Variants in OSBPL10 observed in about 807,000 individuals in gnomAD.
The protein encoded by OSBPL10 is oxysterol binding protein like 10.
In OSBPL10, 49 loss-of-function variants were observed where a neutral mutation model predicts 81.7. That is an observed-to-expected ratio of 0.60 (90% CI 0.48 to 0.76). The LOEUF is 0.76. Among genes scored for constraint, OSBPL10 ranks in the 30% least tolerant of loss-of-function variants. The pLI is 0.00. For synonymous variants in OSBPL10, 419 were observed against 383.6 expected (o/e 1.09, Z -1.08); for missense variants, 923 against 987.8 (o/e 0.93, Z 0.88).
At chr3:31,991,868 A>G (rs1336178618) in intron 2 of OSBPL10, among the ~76,000 whole-genome samples, 1 of 152,112 alleles carries the variant, frequency 6.6e-6, no homozygotes, top group Non-Finnish European at 1.5e-5. Context: ...CAGGCTAAAA[A>G]AAAAAAAATG....
chr3:31,917,403 A>T (rs1170273364), intron 1 of OSBPL10, among the ~76,000 whole-genome samples: 1 of 151,120 alleles, frequency 6.6e-6, no homozygotes, highest in Non-Finnish European at 1.5e-5. Flanking sequence ...AAAAAAGTAC[A>T]TTCAAGAGCC....
In OSBPL10 at chr3:31,683,650, G is replaced by T. The variant is rs778256978; in HGVS notation, c.1710C>A (p.Val570=). The stretch of plus-strand genomic sequence containing the variant: ...ATGGCTTACCTTCCCCTATCATAGA[G>T]ACCCCCACGGACATGCCCATGAACT... The part of the protein sequence containing the change: ...KSKFMGMSVG[V]SMIGEGVLRL... The change falls in exon 8 of 12, where the codon GTC becomes GTA. Residue 570 remains valine, a synonymous_variant. Coordinates refer to ENST00000396556, the MANE Select transcript of OSBPL10 (RefSeq NM_017784.5). 1 of 1,611,356 alleles carries T rather than the reference G, an allele frequency of 6.2e-7. No homozygotes were observed. The highest frequency in any genetic ancestry group is 1.1e-5 in the South Asian group (1 of 91,044).
intron 2 of OSBPL10, among the ~76,000 whole-genome samples, chr3:32,010,217 C>T (rs990481641): frequency 7.2e-5 from 11 of 151,960 alleles, no homozygotes; most frequent in African/African-American, 2.7e-4. Flanking sequence ...ATAGTGGGGC[C>T]AGAGCCATCT....
intron 5 of OSBPL10, among the ~76,000 whole-genome samples, chr3:31,740,627 G>A (rs1697312326): frequency 6.6e-6 from 1 of 151,948 alleles, no homozygotes; most frequent in East Asian, 1.9e-4. Flanking sequence ...ATGAAGCTGG[G>A]TATGGTGGCA....
chr3:31,679,519 G>A (rs970642172), intron 8 of OSBPL10, among the ~76,000 whole-genome samples: 1 of 152,320 alleles, frequency 6.6e-6, no homozygotes, highest in Middle Eastern at 3.4e-3. Context: ...CACTGTTACC[G>A]ATAAGGAGGT....
chr3:31,920,493 A>C (rs368692274), intron 1 of OSBPL10, among the ~76,000 whole-genome samples: 28 of 152,302 alleles, frequency 1.8e-4, no homozygotes, highest in African/African-American at 6.5e-4. Context: ...AGCACATAAG[A>C]ATTGTACTCT....
intron 2 of OSBPL10, among the ~76,000 whole-genome samples, chr3:31,995,319 G>A (rs544161984): frequency 9.2e-5 from 14 of 152,218 alleles, no homozygotes; most frequent in African/African-American, 2.6e-4. Flanking sequence ...TCCCCAGAGC[G>A]GCCGTTTATA....
chr3:32,029,268 T>C (rs1699445228), intron 2 of OSBPL10, among the ~76,000 whole-genome samples: 1 of 152,154 alleles, frequency 6.6e-6, no homozygotes, highest in Admixed American at 6.5e-5. Flanking sequence ...CTCTTCCAAG[T>C]GTACTTTCCT....
chr3:32,014,091 T>C (rs1186957342), intron 2 of OSBPL10, among the ~76,000 whole-genome samples: 1 of 152,162 alleles, frequency 6.6e-6, no homozygotes, highest in Non-Finnish European at 1.5e-5. Context: ...ACTAACTCAT[T>C]TTATGAGGCC....
At chr3:31,992,256 C>G (rs6781919) in intron 2 of OSBPL10, among the ~76,000 whole-genome samples, 52,764 of 151,990 alleles carry the variant, frequency 0.35, 12,814 homozygotes, top group African/African-American at 0.69. Context: ...AATATAGTCA[C>G]TTGATTTTGA....
chr3:31,817,549 C>T (rs1277318921), intron 4 of OSBPL10, among the ~76,000 whole-genome samples: 9 of 95,410 alleles, frequency 9.4e-5, no homozygotes, highest in African/African-American at 3.1e-4. Context: ...CAGGCGGCTG[C>T]AGCTGCACCC....
At chr3:31,987,816 A>G (rs1698957250) in intron 2 of OSBPL10, among the ~76,000 whole-genome samples, 1 of 152,234 alleles carries the variant, frequency 6.6e-6, no homozygotes, top group African/African-American at 2.4e-5. Flanking sequence ...AAAGACCTAT[A>G]CTTCACACTT....
chr3:31,963,131 C>A (rs1575063647), intron 1 of OSBPL10, among the ~76,000 whole-genome samples: 1 of 152,002 alleles, frequency 6.6e-6, no homozygotes, highest in Non-Finnish European at 1.5e-5. Flanking sequence ...CACACAGATT[C>A]AAAAATTATT....
In OSBPL10 at chr3:31,825,819, T is replaced by C. The variant is rs542030080; in HGVS notation, c.729+4221A>G. ...TCTAAAACTTCGTTTGCAAGTAAAA[T>C]CCAAAATTCTGGGAACCACTGTCTT... On this transcript the variant is annotated intron_variant, in intron 4 of 11. Coordinates refer to ENST00000396556, the MANE Select transcript of OSBPL10 (RefSeq NM_017784.5). Among the ~76,000 whole-genome samples, 74 of 152,312 alleles carry C rather than the reference T, an allele frequency of 4.9e-4. 1 individual carries two copies. The highest frequency in any genetic ancestry group is 6.8e-3 in the Middle Eastern group (2 of 294).
chr3:31,876,453 G>A lies in OSBPL10; in HGVS notation c.517C>T (p.His173Tyr). 6.2e-7 allele frequency: 1 copy of A among 1,612,826 alleles called. No homozygotes were observed. The highest frequency in any genetic ancestry group is 8.5e-7 in the Non-Finnish European group (1 of 1,178,832). ...CTTACCTTAGAATTCATTTCCATGT[G>A]GTATTTGGCACAAGCTCGAAGCTGA... ...VTQLRACAKY[H>Y]MEMNSKSAPS... The change falls in exon 3 of 12, where the codon CAC becomes TAC. Residue 173 changes from histidine to tyrosine, a missense_variant. His to Tyr is a moderately conservative substitution (Grantham distance 83). Coordinates refer to ENST00000396556, the MANE Select transcript of OSBPL10 (RefSeq NM_017784.5).
intron 2 of OSBPL10, among the ~76,000 whole-genome samples, chr3:32,040,774 C>CTGCA (rs752797386): frequency 5.3e-4 from 81 of 151,890 alleles, no homozygotes; most frequent in Non-Finnish European, 1.0e-3. Flanking sequence ...GAGTTCAAGG[C>CTGCA]TGCAGTGAGC....
Position 31,676,292 on chromosome 3 carries a change from A to T in OSBPL10, c.1727-5309T>A, listed in dbSNP as rs61361511. ...TTTTTTTTCAGGGTTGCATTTAAAA[A>T]AAAATCTCCTTAATATGAATAAAAG... On this transcript the variant is annotated intron_variant, in intron 8 of 11. Coordinates refer to ENST00000396556, the MANE Select transcript of OSBPL10 (RefSeq NM_017784.5). 2.5e-3 allele frequency among the ~76,000 whole-genome samples: 380 copies of T among 152,220 alleles called. 2 individuals are homozygous for T. The highest frequency in any genetic ancestry group is 9.0e-3 in the African/African-American group (373 of 41,534).
At chr3:31,874,722 A>G (rs1383072163) in intron 3 of OSBPL10, among the ~76,000 whole-genome samples, 1 of 152,154 alleles carries the variant, frequency 6.6e-6, no homozygotes, top group African/African-American at 2.4e-5. Flanking sequence ...CGTTAATGAG[A>G]GGGGGAAACA....
rs1244345928 is a variant in OSBPL10, at chr3:31,965,699, ATATAT to A, written c.281+15195_281+15199del. Among the ~76,000 whole-genome samples, 14 of 41,820 alleles carry A rather than the reference ATATAT, an allele frequency of 3.3e-4. 1 individual carries two copies. Among genetic ancestry groups the A allele is most frequent in the African/African-American group, 4.9e-4 (2 of 4,082 alleles). The allele number at this position is 41,820 out of a possible 152,430, so 27.4% of individuals were successfully genotyped here. On this transcript the variant is annotated intron_variant, in intron 1 of 11. Transcript: ENST00000396556. ...TAATATATATTATATAAAATATATA[ATATAT>A]TATATAAAATATATAATATAATATA...
Sources: allele counts gnomAD v4.1 joint callset (sites outside exome capture counted in the v4.1 genomes callset), GRCh38; gene constraint gnomAD v4.1.1; transcripts MANE v1.5; gene names NCBI Gene and HGNC (gene_info 2026-07-23, HGNC 2026-07-21).